GUCA1B: variants seen among roughly 807,000 people sequenced by gnomAD.
GUCA1B encodes guanylyl cyclase-activating protein 2.
A neutral mutation model predicts 24.2 loss-of-function variants in GUCA1B; 22 were observed. The ratio of observed to expected loss-of-function variants is 0.91; its 90% CI spans 0.65 to 1.30. The LOEUF is 1.30. GUCA1B is among the 50% of genes most tolerant of loss of function. The pLI, the probability that GUCA1B is intolerant of heterozygous loss-of-function variation, is 0.00. For synonymous variants in GUCA1B, 100 were observed against 97.9 expected, an observed-to-expected ratio of 1.02 and a Z score of -0.13; for missense variants, 221 against 258.8, an observed-to-expected ratio of 0.85 and a Z score of 1.00.
chr6:42,184,962 G>A lies in GUCA1B; in HGVS notation c.476-20C>T, dbSNP rs761240689. On this transcript the variant is annotated intron_variant, in intron 3 of 3. Transcript: ENST00000230361. The stretch of plus-strand genomic sequence containing the variant: ...GCTGGCCTGAGCAAGGGGGAGGAGA[G>A]GTGGTCATGTAGAAGAAGGGGAGAC... 1.3e-5 allele frequency: 21 copies of A among 1,613,432 alleles called. No homozygotes were observed. The highest frequency in any genetic ancestry group is 1.5e-5 in the Non-Finnish European group (18 of 1,179,446).
Position 42,194,614 on chromosome 6 carries a change from C to A in GUCA1B, c.207G>T (p.Gly69=). The change falls in exon 1 of 4, where the codon GGG becomes GGT. Residue 69 remains glycine (G), a splice_region_variant and synonymous_variant. Coordinates refer to ENST00000230361, the MANE Select transcript of GUCA1B (RefSeq NM_002098.6). ...EGMFRAFDKN[G]DNTIDFLEYV... ...GGTCCTTCCCTTCAGGGTGCCTTAC[C>A]CCATTCTTGTCGAAGGCTCGGAACA... 6 of 1,601,772 alleles carry A rather than the reference C, an allele frequency of 3.7e-6. No individual in the cohort carries two copies. The highest frequency in any genetic ancestry group is 4.3e-6 in the Non-Finnish European group (5 of 1,168,682).
rs757396349 is a variant in GUCA1B, at chr6:42,194,654, T to C, written c.167A>G (p.Gln56Arg). 1.8e-5 allele frequency: 29 copies of C among 1,613,688 alleles called. No homozygotes were observed. Among genetic ancestry groups the C allele is most frequent in the Non-Finnish European group, 2.5e-5 (29 of 1,179,702 alleles). ...GGCTCGGAACATGCCCTCTACATAC[T>C]GGGAGGCCTCCTCATCGTCTGTGAC... ...FKVTDDEEAS[Q>R]YVEGMFRAFD... Residue 56 changes from glutamine (Q) to arginine (R), a missense_variant, in exon 1 of 4, where the codon CAG (glutamine) becomes CGG (arginine). Gln to Arg is a conservative substitution (Grantham distance 43). Transcript: ENST00000230361.
chr6:42,191,384 G>A (rs144182291), intron 1 of GUCA1B, among the ~76,000 whole-genome samples: 1,634 of 152,032 alleles, frequency 0.011, 15 homozygotes, highest in Non-Finnish European at 0.015. Flanking sequence ...ACATTTTCAC[G>A]TGTGAACCAC....
In GUCA1B at chr6:42,184,266, T is replaced by C. The variant is rs1768155740; in HGVS notation, c.*549A>G. The stretch of plus-strand genomic sequence containing the variant: ...CACCTCACCCGGCTGATTTTTTGTA[T>C]TTTTAGTAGAGACGGGGTTTCACCC... On this transcript the variant is annotated 3_prime_UTR_variant, in exon 4 of 4. Coordinates refer to ENST00000230361, the MANE Select transcript of GUCA1B (RefSeq NM_002098.6). The C allele has an allele frequency of 6.0e-6, 1 of 166,304 alleles. No individual in the cohort carries two copies. The highest frequency in any genetic ancestry group is 2.4e-5 in the African/African-American group (1 of 41,756). The allele number at this position is 166,304 out of a possible 1,614,324, so 10.3% of individuals were successfully genotyped here.
At position 42,194,736 on chromosome 6, in the gene GUCA1B, CA is replaced by C; in HGVS notation, c.84del (p.Phe28LeufsTer2). The C allele has an allele frequency of 6.2e-7, 1 of 1,613,026 alleles. No homozygotes were observed. Among genetic ancestry groups the C allele is most frequent in the East Asian group, 2.2e-5 (1 of 44,840 alleles). On this transcript the variant is annotated frameshift_variant, in exon 1 of 4. Transcript: ENST00000230361. LOFTEE classifies it high-confidence loss of function. ...VAELQEWYKK[F>X]VMECPSGTLF... ...AGTGTGCCGCTGGGGCACTCCATCA[CA>C]AACTTCTTGTACCACTCCTGGAGCT...
At position 42,192,038 on chromosome 6, in the gene GUCA1B, CAA is replaced by C. The variant is rs35283316; in HGVS notation, c.207+2574_207+2575del. On this transcript the variant is annotated intron_variant, in intron 1 of 3. Transcript: ENST00000230361. ...CAAGTAAATGCAATGTATGATCATA[CAA>C]AAAAAAAAAAAGAAAAAAAAAAAGA... 6.4e-3 allele frequency among the ~76,000 whole-genome samples: 752 copies of C among 116,822 alleles called. 2 individuals carry two copies. Among genetic ancestry groups the C allele is most frequent in the Non-Finnish European group, 9.8e-3 (585 of 59,420 alleles). 76.6% of individuals were successfully genotyped at this position (116,822 alleles called of 152,430 possible). A position where few individuals can be genotyped will look rare whatever the true frequency, so the allele number is the denominator to read the frequency against.
chr6:42,185,865 C>T (rs538169149), intron 2 of GUCA1B, 68 bp from the exon 3 acceptor site: 6 of 907,106 alleles, frequency 6.6e-6, no homozygotes, highest in South Asian at 6.5e-5. Context: ...CAGTGACCCA[C>T]ATCCCCCAGC....
chr6:42,194,893 C>T lies in GUCA1B; in HGVS notation c.-73G>A, dbSNP rs7752629. On this transcript the variant is annotated 5_prime_UTR_variant, in exon 1 of 4. The change abolishes the stop of an existing upstream ORF in the 5' untranslated region. Transcript: ENST00000230361. ...GGCTTCTGCTGATGGATCTCTCCAA[C>T]TAGGGCCCTCTTCCTCCCTTTCCAG... The T allele has an allele frequency of 1.1e-3, 1,144 of 1,073,434 alleles. 9 individuals are homozygous for T. The African/African-American group carries it at 0.015, about 14-fold the overall frequency. 66.5% of individuals were successfully genotyped at this position (1,073,434 alleles called of 1,614,324 possible).
intron 1 of GUCA1B, among the ~76,000 whole-genome samples, chr6:42,192,174 T>G (rs1224953170): frequency 1.4e-5 from 2 of 148,122 alleles, no homozygotes; most frequent in African/African-American, 5.0e-5. Context: ...GCCAACATGG[T>G]GAAACCCCAT....
intron 2 of GUCA1B, among the ~76,000 whole-genome samples, chr6:42,187,505 C>T (rs753995137): frequency 2.7e-4 from 41 of 151,194 alleles, no homozygotes; most frequent in Non-Finnish European, 5.0e-4. Context: ...ATCGCAGCCT[C>T]GACCTTCCAG....
At chr6:42,191,835 G>T (rs774930510) in intron 1 of GUCA1B, among the ~76,000 whole-genome samples, 2 of 152,100 alleles carry the variant, frequency 1.3e-5, no homozygotes, top group Non-Finnish European at 2.9e-5. Context: ...GTACCGGATG[G>T]TATGATGAAC....
Position 42,193,115 on chromosome 6 carries a change from T to C in GUCA1B, c.207+1499A>G, listed in dbSNP as rs186435219. Among the ~76,000 whole-genome samples the C allele has an allele frequency of 3.7e-3, 570 of 152,316 alleles. 4 individuals are homozygous for C. The highest frequency in any genetic ancestry group is 0.013 in the African/African-American group (540 of 41,580). On this transcript the variant is annotated intron_variant, in intron 1 of 3. Coordinates refer to ENST00000230361, the MANE Select transcript of GUCA1B (RefSeq NM_002098.6). ...AAATTGCATATGGGAGTTACTTGTA[T>C]CATTCTTATAACTCTTCTGTAAATT...
chr6:42,192,424 A>C lies in GUCA1B; in HGVS notation c.207+2190T>G, dbSNP rs1358224484. On this transcript the variant is annotated intron_variant, in intron 1 of 3. Coordinates refer to ENST00000230361, the MANE Select transcript of GUCA1B (RefSeq NM_002098.6). ...AGAAAAGAAAAAGGAAAAAAGAAAG[A>C]AACCTGGCCGGGTGCAGTGGCTCAT... 1.3e-4 allele frequency among the ~76,000 whole-genome samples: 18 copies of C among 141,698 alleles called. 1 individual carries two copies. Among genetic ancestry groups the C allele is most frequent in the African/African-American group, 2.4e-4 (8 of 33,420 alleles). The allele number at this position is 141,698 out of a possible 152,430, so 93.0% of individuals were successfully genotyped here.
chr6:42,187,158 G>A (rs1768206218), intron 2 of GUCA1B, among the ~76,000 whole-genome samples: 1 of 152,150 alleles, frequency 6.6e-6, no homozygotes, highest in South Asian at 2.1e-4. Flanking sequence ...AGGCTGGAGT[G>A]CAGTGGTGCA....
rs200457582 is a variant in GUCA1B, at chr6:42,184,945, G to A, written c.476-3C>T. On this transcript the variant is annotated splice_region_variant and splice_polypyrimidine_tract_variant and intron_variant, in intron 3 of 3. Coordinates refer to ENST00000230361, the MANE Select transcript of GUCA1B (RefSeq NM_002098.6). ...AAACTCGTTCAGAGACAGCTGGCCT[G>A]AGCAAGGGGGAGGAGAGGTGGTCAT... The A allele has an allele frequency of 7.0e-5, 113 of 1,614,048 alleles. No homozygotes were observed. In the African/African-American group the frequency reaches 1.3e-3, roughly 18 times the overall value.
chr6:42,194,015 G>C (rs1362843086), intron 1 of GUCA1B, among the ~76,000 whole-genome samples: 1 of 152,214 alleles, frequency 6.6e-6, no homozygotes, highest in African/African-American at 2.4e-5. Context: ...TGGGCTTAGA[G>C]AAACTCTAGT....
At chr6:42,194,478 G>T (rs1318579370) in intron 1 of GUCA1B, 136 bp downstream of exon 1, 2 of 709,260 alleles carry the variant, frequency 2.8e-6, no homozygotes, top group Non-Finnish European at 5.2e-6. Flanking sequence ...AGACAGAAAA[G>T]GTAAAGAGAG....
intron 2 of GUCA1B, among the ~76,000 whole-genome samples, 192 bp downstream of exon 2, chr6:42,188,390 A>G (rs1367212548): frequency 6.6e-6 from 1 of 151,626 alleles, no homozygotes; most frequent in Non-Finnish European, 1.5e-5. Context: ...GGATTTTCTA[A>G]TAATCTTTTT....
In GUCA1B at chr6:42,183,514, G is replaced by T. The variant is rs1768140566; in HGVS notation, c.*1301C>A. On this transcript the variant is annotated 3_prime_UTR_variant, in exon 4 of 4. Transcript: ENST00000230361. ...CTTTTAATCTAGTTTCTATATTGGG[G>T]TTACACATAAGAGTTTATATAACAA... Among the ~76,000 whole-genome samples the T allele has an allele frequency of 6.6e-6, 1 of 152,060 alleles. No homozygotes were observed.
Sources: gnomAD v4.1 joint callset for allele counts (sites outside exome capture counted in the v4.1 genomes callset) on GRCh38, gnomAD v4.1.1 for gene constraint, MANE v1.5 for transcripts, NCBI Gene and HGNC (gene_info 2026-07-23, HGNC 2026-07-21) for gene names.